Variants in WDR72 observed in about 807,000 individuals in gnomAD.
WDR72 encodes WD repeat domain 72, also known as WD repeat-containing protein 72.
WDR72 carries 120 observed loss-of-function variants against 124.2 expected under a neutral mutation model. That is an observed-to-expected ratio of 0.97 (90% CI 0.83 to 1.12). The LOEUF is 1.12. WDR72 is among the 50% of genes most tolerant of loss of function. The pLI is 0.00. For missense variants in WDR72, 1,387 were observed against 1,278.8 expected, an observed-to-expected ratio of 1.08 and a Z score of -1.29; for synonymous variants, 452 against 441.7, an observed-to-expected ratio of 1.02 and a Z score of -0.29.
intron 6 of WDR72, among the ~76,000 whole-genome samples, chr15:53,713,682 T>C (rs937876667): frequency 6.6e-6 from 1 of 152,006 alleles, no homozygotes. Flanking sequence ...AGTCTTGAAC[T>C]CCTGACCTCT....
At chr15:53,606,643 G>A (rs1353160686) in intron 17 of WDR72, among the ~76,000 whole-genome samples, 5 of 152,206 alleles carry the variant, frequency 3.3e-5, no homozygotes, top group African/African-American at 1.2e-4. Flanking sequence ...GGTAGAATGT[G>A]GCAGCAATAT....
chr15:53,737,782 A>G (rs1020570017), intron 1 of WDR72, among the ~76,000 whole-genome samples: 3 of 152,216 alleles, frequency 2.0e-5, no homozygotes, highest in African/African-American at 7.2e-5. Flanking sequence ...AAATACTTGA[A>G]CCACATAATT....
chr15:53,711,348 TGATA>T lies in WDR72; in HGVS notation c.841_844del (p.Tyr281SerfsTer3). The stretch of plus-strand genomic sequence containing the variant: ...CATCTGAGCCCACCTGTTCAGCAGC[TGATA>T]GATGTAACTGTGACCATCTTCTGTC... On this transcript the variant is annotated frameshift_variant, in exon 8 of 20. Coordinates refer to ENST00000360509, the MANE Select transcript of WDR72 (RefSeq NM_182758.4). LOFTEE classifies it high-confidence loss of function. 2 of 1,614,196 alleles carry T rather than the reference TGATA, an allele frequency of 1.2e-6. No individual in the cohort carries two copies. The highest frequency in any genetic ancestry group is 1.7e-6 in the Non-Finnish European group (2 of 1,180,042).
chr15:53,670,025 T>C (rs1004991098), intron 13 of WDR72, among the ~76,000 whole-genome samples: 1 of 152,188 alleles, frequency 6.6e-6, no homozygotes, highest in African/African-American at 2.4e-5. Flanking sequence ...TGCAGAGACA[T>C]AGGTGAGTTA....
At chr15:53,697,784 G>A (rs1031448303) in intron 13 of WDR72, among the ~76,000 whole-genome samples, 1 of 152,118 alleles carries the variant, frequency 6.6e-6, no homozygotes, top group African/African-American at 2.4e-5. Flanking sequence ...ACAGAAAGTA[G>A]ATCAAAATAT....
chr15:53,598,879 T>A (rs1242539654), intron 17 of WDR72, among the ~76,000 whole-genome samples: 1 of 151,442 alleles, frequency 6.6e-6, no homozygotes, highest in East Asian at 1.9e-4. Context: ...TACTTCTGCA[T>A]ATCATGATGC....
intron 18 of WDR72, among the ~76,000 whole-genome samples, chr15:53,595,453 C>T (rs2012726595): frequency 6.6e-6 from 1 of 152,092 alleles, no homozygotes; most frequent in Non-Finnish European, 1.5e-5. Flanking sequence ...TCTGGTGAAA[C>T]CTCAAATATG....
In WDR72 at chr15:53,665,890, G is replaced by C. The variant is rs926508495; in HGVS notation, c.1766-122C>G. 8 of 943,298 alleles carry C rather than the reference G, an allele frequency of 8.5e-6. No homozygotes were observed. In the Admixed American group the frequency reaches 8.6e-5, roughly 10 times the overall value. 58.4% of individuals were successfully genotyped at this position (943,298 alleles called of 1,614,324 possible). A position where few individuals can be genotyped will look rare whatever the true frequency, so the allele number is the denominator to read the frequency against. ...TTAAGTTATCGTGCCTTAGTATCTT[G>C]CAACTGAAAAATAGCCTGGGAGCTT... On this transcript the variant is annotated intron_variant, in intron 13 of 19. Coordinates refer to ENST00000360509, the MANE Select transcript of WDR72 (RefSeq NM_182758.4).
intron 14 of WDR72, among the ~76,000 whole-genome samples, chr15:53,643,801 C>T (rs1229773055): frequency 6.6e-6 from 1 of 151,954 alleles, no homozygotes; most frequent in Non-Finnish European, 1.5e-5. Context: ...TTACCATTTC[C>T]ATGATCTAAC....
chr15:53,624,561 G>A (rs1176903827), intron 14 of WDR72, among the ~76,000 whole-genome samples: 1 of 152,196 alleles, frequency 6.6e-6, no homozygotes, highest in African/African-American at 2.4e-5. Context: ...TAGGCCTAGT[G>A]CACTGCCATA....
chr15:53,657,133 A>AGG (rs2015451778), intron 14 of WDR72, among the ~76,000 whole-genome samples: 2 of 151,846 alleles, frequency 1.3e-5, no homozygotes, highest in Non-Finnish European at 2.9e-5. Flanking sequence ...TTGTGGTGGC[A>AGG]TGCACTTGTA....
chr15:53,539,765 C>T (rs1892971895), intron 18 of WDR72, among the ~76,000 whole-genome samples: 1 of 151,914 alleles, frequency 6.6e-6, no homozygotes, highest in African/African-American at 2.4e-5. Context: ...TATATAGTTT[C>T]ATATATTTGT....
chr15:53,597,485 G>T (rs2012835161), intron 17 of WDR72, among the ~76,000 whole-genome samples: 1 of 152,074 alleles, frequency 6.6e-6, no homozygotes. Context: ...CAATGCAAGA[G>T]ATTCTAAAAG....
chr15:53,700,908 C>A (rs1246016985), intron 12 of WDR72, among the ~76,000 whole-genome samples: 1 of 152,144 alleles, frequency 6.6e-6, no homozygotes, highest in Admixed American at 6.5e-5. Flanking sequence ...GGCAGCCCAA[C>A]GTGCTCCAGG....
chr15:53,688,721 G>C (rs1382659023), intron 13 of WDR72, among the ~76,000 whole-genome samples: 1 of 151,974 alleles, frequency 6.6e-6, no homozygotes, highest in Non-Finnish European at 1.5e-5. Flanking sequence ...CTACTTTAAA[G>C]TTCATATAGA....
rs144767107 is a variant in WDR72 at position 53,733,051 on chromosome 15, C to A, written c.99G>T (p.Val33=). The A allele has an allele frequency of 3.4e-3, 5,453 of 1,614,026 alleles. 16 individuals are homozygous for A. Among genetic ancestry groups the A allele is most frequent in the Non-Finnish European group, 4.1e-3 (4,870 of 1,179,960 alleles). Residue 33 remains valine, a synonymous_variant, in exon 2 of 20, where the codon GTG becomes GTT. Transcript: ENST00000360509. Reference sequence around the variant, plus strand: ...AGAGCTGACCCTCTTGACTTCCAGTCACAATCGTTCGCTGGTCATCAGTGA... The same window carrying A: ...AGAGCTGACCCTCTTGACTTCCAGTAACAATCGTTCGCTGGTCATCAGTGA... The part of the protein sequence containing the change: ...IMITDDQRTI[V]TGSQEGQLCL...
chr15:53,597,306 T>C, intron 17 of WDR72, 32 bp from the exon 18 acceptor site: 1 of 1,606,762 alleles, frequency 6.2e-7, no homozygotes, highest in Non-Finnish European at 8.5e-7. Flanking sequence ...GAATTATTTT[T>C]AGTATTATTA....
At chr15:53,674,728 C>T (rs540457092) in intron 13 of WDR72, among the ~76,000 whole-genome samples, 68 of 152,152 alleles carry the variant, frequency 4.5e-4, no homozygotes, top group South Asian at 1.2e-3. Context: ...CTTAGATTGG[C>T]GTCACATCAA....
intron 18 of WDR72, among the ~76,000 whole-genome samples, chr15:53,590,900 T>C (rs2012459424): frequency 6.6e-6 from 1 of 152,040 alleles, no homozygotes; most frequent in South Asian, 2.1e-4. Flanking sequence ...AGAAGGCATT[T>C]GCAAGATGAG....
Sources: allele counts gnomAD v4.1 joint callset (sites outside exome capture counted in the v4.1 genomes callset), GRCh38; gene constraint gnomAD v4.1.1; transcripts MANE v1.5; gene names NCBI Gene and HGNC (gene_info 2026-07-23, HGNC 2026-07-21).